Variants in RAB11FIP2 observed in about 807,000 individuals in gnomAD.
The protein encoded by RAB11FIP2 is rab11 family-interacting protein 2.
In RAB11FIP2, 16 loss-of-function variants were observed where a neutral mutation model predicts 40.9. The observed-to-expected ratio is 0.39, with a 90% CI of 0.26 to 0.59. The LOEUF is 0.59. Among genes scored for constraint, RAB11FIP2 ranks in the 20% least tolerant of loss-of-function variants. The pLI is 0.53. For synonymous variants in RAB11FIP2, 228 were observed against 213.7 expected, an observed-to-expected ratio of 1.07 and a Z score of -0.58; for missense variants, 532 against 606.2, an observed-to-expected ratio of 0.88 and a Z score of 1.28.
Position 118,046,420 on chromosome 10 carries a change from G to A in RAB11FIP2, c.-257C>T. The A allele has an allele frequency of 2.2e-6, 1 of 460,370 alleles. No individual in the cohort carries two copies. Among genetic ancestry groups the A allele is most frequent in the Non-Finnish European group, 3.9e-6 (1 of 257,428 alleles). The allele number at this position is 460,370 out of a possible 1,614,324, so 28.5% of individuals were successfully genotyped here. On this transcript the variant is annotated 5_prime_UTR_variant, in exon 1 of 5. Coordinates refer to ENST00000355624, the MANE Select transcript of RAB11FIP2 (RefSeq NM_014904.3). ...CTGGCCGCGCCGTGCAGGCCTCTGC[G>A]CGGACCCCCGCCCCTGTCTCCACCT...
chr10:118,022,868 T>C (rs770225894), intron 3 of RAB11FIP2, among the ~76,000 whole-genome samples: 1 of 152,194 alleles, frequency 6.6e-6, no homozygotes, highest in Non-Finnish European at 1.5e-5. Context: ...GTGAGTTGAC[T>C]GAGTACATCT....
rs1846113094 is a variant in RAB11FIP2, at chr10:118,007,954, G to A, written c.*1044C>T. 1 of 152,434 alleles carries A rather than the reference G, an allele frequency of 6.6e-6. No individual in the cohort carries two copies. Among genetic ancestry groups the A allele is most frequent in the African/African-American group, 2.4e-5 (1 of 41,404 alleles). 9.4% of individuals were successfully genotyped at this position (152,434 alleles called of 1,614,324 possible). ...TATTATTTATGTAACCTGAAACCAA[G>A]CCTAATTCTTCATTCCTGGAATCTG... On this transcript the variant is annotated 3_prime_UTR_variant, in exon 5 of 5. Transcript: ENST00000355624.
rs146010442 is a variant in RAB11FIP2 at position 118,031,178 on chromosome 10, T to C, written c.1265+7794A>G. ...GACAAATATGAGCAAAAAGTAAATA[T>C]TGCTATTAAAACAAATCCTTTGCAT... On this transcript the variant is annotated intron_variant, in intron 3 of 4. Transcript: ENST00000355624. Among the ~76,000 whole-genome samples the C allele has an allele frequency of 9.4e-3, 1,430 of 152,198 alleles. 9 individuals carry two copies. The highest frequency in any genetic ancestry group is 0.017 in the Middle Eastern group (5 of 294).
intron 4 of RAB11FIP2, among the ~76,000 whole-genome samples, chr10:118,014,323 A>G (rs1846190833): frequency 6.6e-6 from 1 of 152,066 alleles, no homozygotes; most frequent in Non-Finnish European, 1.5e-5. Context: ...TAAAGCCTCT[A>G]TTTCTGTTAT....
intron 3 of RAB11FIP2, among the ~76,000 whole-genome samples, chr10:118,032,704 G>GA (rs1400699179): frequency 6.6e-6 from 1 of 152,042 alleles, no homozygotes; most frequent in East Asian, 1.9e-4. Context: ...ATATTAAATG[G>GA]AAAATTCCAG....
chr10:118,044,179 A>C (rs1454134130), intron 1 of RAB11FIP2, among the ~76,000 whole-genome samples: 1 of 152,196 alleles, frequency 6.6e-6, no homozygotes, highest in Non-Finnish European at 1.5e-5. Context: ...AACAAGAAGA[A>C]ATTGTAAAAG....
intron 2 of RAB11FIP2, chr10:118,039,671 AC>A: frequency 2.0e-6 from 1 of 493,664 alleles, no homozygotes. Flanking sequence ...TATTCAGCTC[AC>A]AATCATATAA....
At chr10:118,030,457 T>G (rs777997109) in intron 3 of RAB11FIP2, among the ~76,000 whole-genome samples, 1 of 152,106 alleles carries the variant, frequency 6.6e-6, no homozygotes, top group East Asian at 1.9e-4. Context: ...AAACTATATC[T>G]CCATAGGTCT....
At chr10:118,019,397 T>C (rs1156859729) in intron 3 of RAB11FIP2, among the ~76,000 whole-genome samples, 1 of 152,174 alleles carries the variant, frequency 6.6e-6, no homozygotes, top group African/African-American at 2.4e-5. Context: ...CAGGAGTAAC[T>C]TTCTCAAACG....
chr10:118,015,739 A>G (rs751474665), intron 3 of RAB11FIP2, among the ~76,000 whole-genome samples: 3 of 152,226 alleles, frequency 2.0e-5, no homozygotes, highest in Non-Finnish European at 1.5e-5. Context: ...GCTGAATGCT[A>G]TAACTATTTT....
Position 118,040,431 on chromosome 10 carries a change from G to T in RAB11FIP2, c.488C>A (p.Pro163His). The T allele has an allele frequency of 6.2e-7, 1 of 1,613,710 alleles. No individual in the cohort carries two copies. Among genetic ancestry groups the T allele is most frequent in the Non-Finnish European group, 8.5e-7 (1 of 1,179,734 alleles). ...CATCTTATCTTTTAACTTTGCAAAAGGAGATCTGGTTTTGTCCTTCATTGA... is the reference window on the plus strand; with the variant it reads ...CATCTTATCTTTTAACTTTGCAAAATGAGATCTGGTTTTGTCCTTCATTGA... ...DLSMKDKTRS[P>H]FAKLKDKMKG... Residue 163 changes from proline to histidine, a missense_variant, in exon 2 of 5, where the codon CCT (proline) becomes CAT (histidine). Coordinates refer to ENST00000355624, the MANE Select transcript of RAB11FIP2 (RefSeq NM_014904.3).
chr10:118,030,257 A>G (rs1450925216), intron 3 of RAB11FIP2, among the ~76,000 whole-genome samples: 2 of 152,142 alleles, frequency 1.3e-5, no homozygotes, highest in South Asian at 2.1e-4. Context: ...AAAACCTTAC[A>G]TGCTGATTTA....
chr10:118,022,836 AT>A (rs1176136296), intron 3 of RAB11FIP2, among the ~76,000 whole-genome samples: 1 of 152,246 alleles, frequency 6.6e-6, no homozygotes, highest in Non-Finnish European at 1.5e-5. Flanking sequence ...CCAGTACTTA[AT>A]AAAAATGTGT....
intron 1 of RAB11FIP2, among the ~76,000 whole-genome samples, chr10:118,045,019 T>A (rs1311922371): frequency 2.0e-5 from 3 of 152,164 alleles, no homozygotes; most frequent in South Asian, 2.1e-4. Context: ...TATGATTTTT[T>A]AAATTAAAAT....
chr10:118,024,358 C>T (rs1479910326), intron 3 of RAB11FIP2, among the ~76,000 whole-genome samples: 1 of 152,066 alleles, frequency 6.6e-6, no homozygotes, highest in Non-Finnish European at 1.5e-5. Flanking sequence ...TGAGTATTTT[C>T]TCCCTGTATC....
At chr10:118,017,511 CAT>C (rs1369332722) in intron 3 of RAB11FIP2, 1 of 152,074 alleles carries the variant, frequency 6.6e-6, no homozygotes, top group Non-Finnish European at 1.5e-5. Flanking sequence ...GCTCTGCAAA[CAT>C]ATGGCGTGGC....
At position 118,007,499 on chromosome 10, in the gene RAB11FIP2, G is replaced by A. The variant is rs560670035; in HGVS notation, c.*1499C>T. ...TCGGCTTTTTGTTTAACTTTCAATG[G>A]AGTCTTAACAGAGATAAGTATTAGA... On this transcript the variant is annotated 3_prime_UTR_variant, in exon 5 of 5. Transcript: ENST00000355624. 1 of 150,884 alleles carries A rather than the reference G, an allele frequency of 6.6e-6. No individual in the cohort carries two copies. The highest frequency in any genetic ancestry group is 2.1e-4 in the South Asian group (1 of 4,800). 9.3% of individuals were successfully genotyped at this position (150,884 alleles called of 1,614,324 possible).
At chr10:118,043,657 A>G (rs1347168377) in intron 1 of RAB11FIP2, 1 of 152,234 alleles carries the variant, frequency 6.6e-6, no homozygotes, top group South Asian at 2.1e-4. Flanking sequence ...ATATGTCTTC[A>G]GTGTCAAAAT....
At chr10:118,039,809 G>T in intron 2 of RAB11FIP2, 1 of 357,078 alleles carries the variant, frequency 2.8e-6, no homozygotes, top group African/African-American at 2.1e-5. Context: ...AGGACTTTAT[G>T]ATGAAATGGA....
Sources: allele counts gnomAD v4.1 joint callset (sites outside exome capture counted in the v4.1 genomes callset), GRCh38; gene constraint gnomAD v4.1.1; transcripts MANE v1.5; gene names NCBI Gene and HGNC (gene_info 2026-07-23, HGNC 2026-07-21).